Variants in TANC1 observed in about 807,000 individuals in gnomAD.
TANC1 encodes the protein protein TANC1.
Under a neutral mutation model 149.7 loss-of-function variants are expected in TANC1, and 77 were observed. The ratio of observed to expected loss-of-function variants is 0.51; its 90% CI spans 0.43 to 0.62. TANC1 has a LOEUF of 0.62. TANC1 is among the 20% of genes least tolerant of loss of function. The probability of loss-of-function intolerance (pLI) is 0.00; values close to 1 mark genes in which losing one functional copy is unlikely to be tolerated. For synonymous variants in TANC1, 854 were observed against 925.0 expected (o/e 0.92, Z 1.39); for missense variants, 1,985 against 2,321.8 (o/e 0.85, Z 2.98).
intron 7 of TANC1, among the ~76,000 whole-genome samples, chr2:159,156,010 C>T (rs2053394639): frequency 6.6e-6 from 1 of 152,106 alleles, no homozygotes; most frequent in Non-Finnish European, 1.5e-5. Context: ...ATTTCCTGGA[C>T]TTTGTGCCCC....
In TANC1 at chr2:159,136,047, TGTGCGCGCGCGCGC is replaced by T; in HGVS notation, c.260-144_260-131del. 3 of 210,232 alleles carry T rather than the reference TGTGCGCGCGCGCGC, an allele frequency of 1.4e-5. 1 individual carries two copies. Among genetic ancestry groups the T allele is most frequent in the South Asian group, 1.1e-4 (3 of 26,684 alleles). The allele number at this position is 210,232 out of a possible 1,614,324, so 13.0% of individuals were successfully genotyped here. ...GTGTGTGTGTGTGTGTGTGTGTGTG[TGTGCGCGCGCGCGC>T]GTTTAAGGGAGGGGAAGGCACTGGC... is the stretch of plus-strand genomic sequence containing the variant. On this transcript the variant is annotated intron_variant, in intron 4 of 26. Coordinates refer to ENST00000263635, the MANE Select transcript of TANC1 (RefSeq NM_033394.3).
rs2059972898 is a variant in TANC1 at position 159,225,556 on chromosome 2, C to G, written c.3812-132C>G. ...AACAGCCTCGCCGGCGTCCTGCTCC[C>G]TCCCTCATCGTGCTGTGGTCCTTGC... On this transcript the variant is annotated intron_variant, in intron 23 of 26. Transcript: ENST00000263635. 1.6e-5 allele frequency: 11 copies of G among 699,934 alleles called. 1 individual carries two copies. In the South Asian group the frequency reaches 1.8e-4, roughly 11 times the overall value. The allele number at this position is 699,934 out of a possible 1,614,324, so 43.4% of individuals were successfully genotyped here. A position where few individuals can be genotyped will look rare whatever the true frequency, so the allele number is the denominator to read the frequency against.
intron 1 of TANC1, among the ~76,000 whole-genome samples, chr2:158,971,871 T>C (rs1305231047): frequency 6.6e-6 from 1 of 152,228 alleles, no homozygotes; most frequent in Non-Finnish European, 1.5e-5. Flanking sequence ...TATAAATAGT[T>C]GAGTTGAACT....
chr2:159,203,989 G>T (rs879747300), intron 19 of TANC1, among the ~76,000 whole-genome samples: 9 of 152,230 alleles, frequency 5.9e-5, no homozygotes, highest in Non-Finnish European at 1.0e-4. Context: ...AATGGAAGTG[G>T]TGTCTGTTTT....
At chr2:159,133,836 C>T (rs2050363015) in intron 4 of TANC1, among the ~76,000 whole-genome samples, 1 of 152,092 alleles carries the variant, frequency 6.6e-6, no homozygotes, top group South Asian at 2.1e-4. Flanking sequence ...AACGATGGTT[C>T]CTGAAGTTTG....
At chr2:159,139,973 A>G (rs1202874806) in intron 5 of TANC1, among the ~76,000 whole-genome samples, 1 of 152,186 alleles carries the variant, frequency 6.6e-6, no homozygotes, top group Non-Finnish European at 1.5e-5. Flanking sequence ...TTATAATCCC[A>G]GCACTTTGGG....
intron 3 of TANC1, among the ~76,000 whole-genome samples, chr2:159,095,736 A>C (rs1471667199): frequency 9.1e-4 from 25 of 27,440 alleles, no homozygotes; most frequent in African/African-American, 2.9e-3. Flanking sequence ...ACTGTCTCAA[A>C]AAAAAAAAAA....
chr2:158,997,755 A>G (rs1261758923), intron 1 of TANC1, among the ~76,000 whole-genome samples: 2 of 152,238 alleles, frequency 1.3e-5, no homozygotes, highest in Non-Finnish European at 2.9e-5. Flanking sequence ...ATACCTGCAC[A>G]TAACTGTATA....
At chr2:159,046,778 A>AT (rs1032474175) in intron 2 of TANC1, among the ~76,000 whole-genome samples, 2 of 150,244 alleles carry the variant, frequency 1.3e-5, no homozygotes, top group African/African-American at 4.9e-5. Context: ...TTTTTTTTGT[A>AT]TTTTTTGTGG....
At position 159,151,868 on chromosome 2, in the gene TANC1, A is replaced by G. The variant is rs114877709; in HGVS notation, c.682+1312A>G. 5.1e-3 allele frequency among the ~76,000 whole-genome samples: 773 copies of G among 152,242 alleles called. 7 individuals are homozygous for G. The highest frequency in any genetic ancestry group is 0.018 in the African/African-American group (727 of 41,530). The stretch of plus-strand genomic sequence containing the variant: ...ATGAAATTCACATACCATAGTATTC[A>G]CTCATTTGAACCATTTGACGGTTTT... On this transcript the variant is annotated intron_variant, in intron 7 of 26. Transcript: ENST00000263635.
chr2:159,210,199 C>A (rs537683801), intron 19 of TANC1, among the ~76,000 whole-genome samples: 1 of 152,200 alleles, frequency 6.6e-6, no homozygotes, highest in Admixed American at 6.5e-5. Context: ...AGTCTGCCAG[C>A]GGGAAGCAGC....
At chr2:158,972,216 A>T (rs1472696207) in intron 1 of TANC1, among the ~76,000 whole-genome samples, 1 of 152,232 alleles carries the variant, frequency 6.6e-6, no homozygotes, top group East Asian at 1.9e-4. Context: ...CCCAGACAGC[A>T]TTCTTAAGGA....
intron 3 of TANC1, among the ~76,000 whole-genome samples, chr2:159,069,562 A>G (rs961515203): frequency 2.5e-4 from 38 of 152,294 alleles, no homozygotes; most frequent in African/African-American, 9.1e-4. Context: ...AGTTTTAAAA[A>G]TTAAATAATT....
In TANC1 at chr2:159,194,274, T is replaced by A. The variant is rs779680975; in HGVS notation, c.2760T>A (p.Ile920=). ...TCCAACAGGTGAGCCGTCTCCTGATTTTGGGAGGGGCCAACGTGAACTACA... is the reference window on the plus strand; with the variant it reads ...TCCAACAGGTGAGCCGTCTCCTGATATTGGGAGGGGCCAACGTGAACTACA... ...TPNVKVSRLL[I]LGGANVNYRT... The change falls in exon 17 of 27, where the codon ATT becomes ATA. Residue 920 remains isoleucine (I), a synonymous_variant. Transcript: ENST00000263635. 2.7e-5 allele frequency: 43 copies of A among 1,613,690 alleles called. No individual in the cohort carries two copies. Among genetic ancestry groups the A allele is most frequent in the Non-Finnish European group, 3.6e-5 (42 of 1,179,602 alleles).
At chr2:159,040,052 A>G (rs1250854419) in intron 2 of TANC1, among the ~76,000 whole-genome samples, 5 of 152,210 alleles carry the variant, frequency 3.3e-5, no homozygotes, top group African/African-American at 9.6e-5. Context: ...GGGTGCATAT[A>G]TATTTAGGAT....
At chr2:159,023,896 A>T (rs941921924) in intron 2 of TANC1, among the ~76,000 whole-genome samples, 1 of 151,678 alleles carries the variant, frequency 6.6e-6, no homozygotes, top group Non-Finnish European at 1.5e-5. Context: ...TGAACCCAGG[A>T]GGTGGAAGTT....
chr2:159,143,654 C>T (rs2051718681), intron 5 of TANC1, among the ~76,000 whole-genome samples: 1 of 151,090 alleles, frequency 6.6e-6, no homozygotes, highest in South Asian at 2.1e-4. Context: ...TAAAAAGACT[C>T]CTGTCTTTCC....
chr2:158,997,800 T>A (rs1258192847), intron 1 of TANC1, among the ~76,000 whole-genome samples: 3 of 152,190 alleles, frequency 2.0e-5, no homozygotes. Context: ...TAGAAGAATT[T>A]CGAGTAATGT....
intron 1 of TANC1, among the ~76,000 whole-genome samples, chr2:158,974,420 C>CAT (rs908987958): frequency 1.3e-5 from 2 of 152,146 alleles, no homozygotes; most frequent in Non-Finnish European, 1.5e-5. Context: ...TGCATACCCT[C>CAT]ATATATATAT....
Sources: allele counts gnomAD v4.1 joint callset (sites outside exome capture counted in the v4.1 genomes callset), GRCh38; gene constraint gnomAD v4.1.1; transcripts MANE v1.5; gene names NCBI Gene and HGNC (gene_info 2026-07-23, HGNC 2026-07-21).